NCOR1: variants seen among roughly 807,000 people sequenced by gnomAD.
NCOR1 encodes the protein nuclear receptor corepressor 1.
In NCOR1, 63 loss-of-function variants were observed where a neutral mutation model predicts 288.1. The ratio of observed to expected loss-of-function variants is 0.22; its 90% CI spans 0.18 to 0.27. The LOEUF (loss-of-function observed/expected upper bound fraction) is 0.27, where lower values mean the gene tolerates loss of function less well. NCOR1 is among the 10% of genes least tolerant of loss of function. The probability of loss-of-function intolerance (pLI) is 1.00; values close to 1 mark genes in which losing one functional copy is unlikely to be tolerated. For missense variants in NCOR1, 2,397 were observed against 3,019.2 expected (o/e 0.79, Z 4.83); for synonymous variants, 1,007 against 1,065.9 (o/e 0.94, Z 1.08).
At chr17:16,070,110 T>A (rs149093536) in intron 31 of NCOR1, 55 bp downstream of exon 31, 1 of 1,518,390 alleles carries the variant, frequency 6.6e-7, no homozygotes, top group Non-Finnish European at 8.8e-7. Flanking sequence ...AAGGTTTTTT[T>A]TTTTTTTTTT....
intron 39 of NCOR1, 84 bp downstream of exon 39, chr17:16,057,823 T>C: frequency 6.8e-7 from 1 of 1,478,386 alleles, no homozygotes; most frequent in Non-Finnish European, 9.0e-7. Flanking sequence ...ATATCTTTAT[T>C]ATAAATTTCT....
rs766531556 is a variant in NCOR1, at chr17:16,058,084, T to G, written c.6011-20A>C. 6.2e-6 allele frequency: 10 copies of G among 1,612,412 alleles called. No homozygotes were observed. Among genetic ancestry groups the G allele is most frequent in the Non-Finnish European group, 5.9e-6 (7 of 1,178,622 alleles). The stretch of plus-strand genomic sequence containing the variant: ...GATCATCTAGGAGAGAACACATAGA[T>G]GTCTTACTCCAGGAATGTCTGTGCT... On this transcript the variant is annotated intron_variant, in intron 38 of 45. Coordinates refer to ENST00000268712, the MANE Select transcript of NCOR1 (RefSeq NM_006311.4).
intron 42 of NCOR1, chr17:16,045,064 G>A: frequency 5.6e-6 from 2 of 357,966 alleles, no homozygotes; most frequent in South Asian, 5.8e-5. Context: ...GGGGACTGAG[G>A]AAAAGACTGA....
At chr17:16,101,207 C>A in intron 20 of NCOR1, 43 bp downstream of exon 20, 1 of 1,527,540 alleles carries the variant, frequency 6.5e-7, no homozygotes, top group Non-Finnish European at 8.8e-7. Context: ...CAGTCACCAA[C>A]CAGCAGAGTA....
At chr17:16,075,820 A>G in intron 26 of NCOR1, 118 bp from the exon 27 acceptor site, 1 of 1,078,046 alleles carries the variant, frequency 9.3e-7, no homozygotes, top group East Asian at 2.5e-5. Flanking sequence ...CAAAGAAGAA[A>G]GCACACATAC....
chr17:16,039,712 C>G, intron 43 of NCOR1, 58 bp from the exon 44 acceptor site: 1 of 1,449,258 alleles, frequency 6.9e-7, no homozygotes, highest in South Asian at 1.2e-5. Context: ...AGGAAACAAA[C>G]ATGCATTGCC....
chr17:16,166,868 C>T (rs1453608267), intron 4 of NCOR1, among the ~76,000 whole-genome samples: 3 of 152,082 alleles, frequency 2.0e-5, no homozygotes. Flanking sequence ...ACTAAACCAG[C>T]TACTACTCGC....
At chr17:16,080,120 T>A (rs80347554) in intron 25 of NCOR1, 56 bp from the exon 26 acceptor site, 15 of 1,430,738 alleles carry the variant, frequency 1.0e-5, no homozygotes, top group Non-Finnish European at 1.2e-5. Flanking sequence ...CCCCAAAACA[T>A]AAAAAAACAG....
At chr17:16,127,156 T>C (rs903140583) in intron 14 of NCOR1, among the ~76,000 whole-genome samples, 1 of 136,124 alleles carries the variant, frequency 7.3e-6, no homozygotes, top group South Asian at 2.2e-4. Context: ...TATATATCTG[T>C]ATGTATATAT....
intron 17 of NCOR1, among the ~76,000 whole-genome samples, chr17:16,118,696 A>C (rs1176624232): frequency 6.6e-6 from 1 of 152,240 alleles, no homozygotes; most frequent in Non-Finnish European, 1.5e-5. Context: ...TCAAATGTCA[A>C]GCTATTTACA....
Position 16,057,504 on chromosome 17 carries a change from A to G in NCOR1, c.6392+10T>C. ...GGCAATTTATATATAATTTGGAATA[A>G]AGATCATACCTTCCCCTGGATTTGT... On this transcript the variant is annotated intron_variant, in intron 40 of 45. Coordinates refer to ENST00000268712, the MANE Select transcript of NCOR1 (RefSeq NM_006311.4). 6.2e-7 allele frequency: 1 copy of G among 1,610,156 alleles called. No homozygotes were observed. Among genetic ancestry groups the G allele is most frequent in the Non-Finnish European group, 8.5e-7 (1 of 1,176,416 alleles).
At chr17:16,184,559 G>A (rs2086205859) in intron 3 of NCOR1, among the ~76,000 whole-genome samples, 1 of 152,080 alleles carries the variant, frequency 6.6e-6, no homozygotes, top group African/African-American at 2.4e-5. Flanking sequence ...AAAGTCAAAA[G>A]ATAACAAATA....
chr17:16,117,621 G>A (rs574762641), intron 18 of NCOR1, among the ~76,000 whole-genome samples: 20 of 151,358 alleles, frequency 1.3e-4, no homozygotes, highest in African/African-American at 4.6e-4. Context: ...TCTGGAGTTC[G>A]AGACCAGCCT....
intron 3 of NCOR1, 97 bp downstream of exon 3, chr17:16,186,457 T>C: frequency 3.8e-6 from 5 of 1,309,014 alleles, no homozygotes; most frequent in Non-Finnish European, 5.2e-6. Flanking sequence ...TGACCAGTCA[T>C]GGCTTGGTTA....
At chr17:16,098,064 G>A (rs1271169014) in intron 21 of NCOR1, among the ~76,000 whole-genome samples, 1 of 152,172 alleles carries the variant, frequency 6.6e-6, no homozygotes, top group Non-Finnish European at 1.5e-5. Context: ...TAAATTCATA[G>A]AACCAGAAAG....
intron 41 of NCOR1, among the ~76,000 whole-genome samples, chr17:16,047,852 CAATT>C (rs1216468453): frequency 1.3e-5 from 2 of 152,138 alleles, no homozygotes; most frequent in African/African-American, 4.8e-5. Flanking sequence ...CCAGGAAAGA[CAATT>C]AAGGTGATAG....
intron 19 of NCOR1, among the ~76,000 whole-genome samples, chr17:16,106,560 A>C (rs1371347759): frequency 6.6e-6 from 1 of 152,142 alleles, no homozygotes; most frequent in African/African-American, 2.4e-5. Flanking sequence ...GATGTGTTTT[A>C]GGAAAACAGA....
chr17:16,201,718 G>C (rs2090835766), intron 1 of NCOR1, among the ~76,000 whole-genome samples: 2 of 152,136 alleles, frequency 1.3e-5, no homozygotes, highest in Non-Finnish European at 2.9e-5. Context: ...AAAACTCTGT[G>C]GTATGTCGAC....
rs574149684 is a variant in NCOR1, at chr17:16,185,941, C to CA, written c.242+612dup. On this transcript the variant is annotated intron_variant, in intron 3 of 45. Coordinates refer to ENST00000268712, the MANE Select transcript of NCOR1 (RefSeq NM_006311.4). ...AACAGAGCTAGAAAGATCCTGTCTC[C>CA]AAAAAACAAGAAAAAACAAACAAAA... 2.8e-4 allele frequency among the ~76,000 whole-genome samples: 42 copies of CA among 151,396 alleles called. 1 individual carries two copies. The Middle Eastern group carries it at 0.014, about 49-fold the overall frequency.
Sources: gnomAD v4.1 joint callset for allele counts (sites outside exome capture counted in the v4.1 genomes callset) on GRCh38, gnomAD v4.1.1 for gene constraint, MANE v1.5 for transcripts, NCBI Gene and HGNC (gene_info 2026-07-23, HGNC 2026-07-21) for gene names.